The following IQCN variants were observed in gnomAD, a reference collection of about 807,000 sequenced individuals.
IQCN encodes the protein IQ motif containing N.
A neutral mutation model predicts 64.4 loss-of-function variants in IQCN; 46 were observed. The observed-to-expected ratio is 0.71, with a 90% confidence interval of 0.56 to 0.91. The LOEUF is 0.91. IQCN is among the 40% of genes least tolerant of loss of function. The pLI is 0.00. For missense variants in IQCN, 1,753 were observed against 1,857.4 expected, an observed-to-expected ratio of 0.94 and a Z score of 1.03; for synonymous variants, 733 against 775.6, an observed-to-expected ratio of 0.95 and a Z score of 0.91.
chr19:18,263,426 G>A (rs1480366060), intron 3 of IQCN, among the ~76,000 whole-genome samples: 1 of 152,232 alleles, frequency 6.6e-6, no homozygotes, highest in South Asian at 2.1e-4. Flanking sequence ...TCTGGGGGCA[G>A]AGCAGGGCAG....
intron 2 of IQCN, among the ~76,000 whole-genome samples, chr19:18,269,156 C>CAAAGGAGGGAGG (rs1969678137): frequency 6.7e-6 from 1 of 148,938 alleles, no homozygotes; most frequent in Admixed American, 6.7e-5. Flanking sequence ...AGGAAGGAAG[C>CAAAGGAGGGAGG]AAGGGAGGGA....
rs902404493 is a variant in IQCN at position 18,257,176 on chromosome 19, G to T, written c.*4C>A. ...CGAAGTCCCCACTGCAGGGAGCCAG[G>T]GTCCTAGATGCCAGGCCAATGCATG... is the stretch of plus-strand genomic sequence containing the variant. On this transcript the variant is annotated 3_prime_UTR_variant, in exon 4 of 4. Coordinates refer to ENST00000392413, the MANE Select transcript of IQCN (RefSeq NM_001145304.2). The T allele has an allele frequency of 6.2e-7, 1 of 1,612,074 alleles. No homozygotes were observed. The highest frequency in any genetic ancestry group is 1.3e-5 in the African/African-American group (1 of 75,054).
chr19:18,269,067 T>G (rs938393197), intron 2 of IQCN, among the ~76,000 whole-genome samples: 1 of 148,372 alleles, frequency 6.7e-6, no homozygotes, highest in Admixed American at 6.7e-5. Context: ...GAGGAGGAGG[T>G]TGCAGTGAGC....
Position 18,257,630 on chromosome 19 carries a change from A to G in IQCN, c.3654T>C (p.His1218=). 2 of 1,612,648 alleles carry G rather than the reference A, an allele frequency of 1.2e-6. No individual in the cohort carries two copies. Among genetic ancestry groups the G allele is most frequent in the Non-Finnish European group, 8.5e-7 (1 of 1,179,886 alleles). ...GTGCCTGGCAGGACTGGAAGCAGCGATGGTCAGATACTGTCCTGGCTCTGC... is the reference window on the plus strand; with the variant it reads ...GTGCCTGGCAGGACTGGAAGCAGCGGTGGTCAGATACTGTCCTGGCTCTGC... The part of the protein sequence containing the change: ...QDGRARTVSD[H]RCFQSCQAHA... Residue 1218 remains histidine (H), a synonymous_variant, in exon 4 of 4, where the codon CAT becomes CAC. Transcript: ENST00000392413.
At chr19:18,268,188 G>A (rs1370279111) in intron 2 of IQCN, among the ~76,000 whole-genome samples, 1 of 149,894 alleles carries the variant, frequency 6.7e-6, no homozygotes, top group African/African-American at 2.5e-5. Context: ...GTGTGTGTGT[G>A]TGTGTGTGTG....
intron 1 of IQCN, among the ~76,000 whole-genome samples, chr19:18,270,147 G>T (rs1183036349): frequency 1.3e-5 from 2 of 151,572 alleles, no homozygotes; most frequent in African/African-American, 4.9e-5. Flanking sequence ...ATCACCTGAG[G>T]TCAGGAGTTC....
chr19:18,271,989 T>C (rs1032349000), intron 1 of IQCN, among the ~76,000 whole-genome samples: 2 of 151,636 alleles, frequency 1.3e-5, no homozygotes, highest in Admixed American at 6.6e-5. Flanking sequence ...TTTTGTTTGT[T>C]TTGTTTTGTT....
intron 2 of IQCN, among the ~76,000 whole-genome samples, chr19:18,269,265 G>C (rs912904441): frequency 4.6e-5 from 7 of 152,072 alleles, no homozygotes; most frequent in Non-Finnish European, 8.8e-5. Context: ...GGGATGGGTA[G>C]GTAAATGGCA....
chr19:18,270,875 T>C (rs545088803), intron 1 of IQCN, among the ~76,000 whole-genome samples: 16 of 145,262 alleles, frequency 1.1e-4, no homozygotes, highest in Admixed American at 6.2e-4. Context: ...AAGTATAAGA[T>C]AAAAGGTAAC....
rs1391202413 is a variant in IQCN, at chr19:18,264,681, G to C, written c.2859C>G (p.Ala953=). ...WSELRLTLSR[A]LSRGELRAEL... The stretch of plus-strand genomic sequence containing the variant: ...CCGCCCGCAGCTCGCCCCGGGACAG[G>C]GCTCGGGACAGGGTCAGGCGCAGCT... The change falls in exon 3 of 4, where the codon GCC becomes GCG. Residue 953 remains alanine, a synonymous_variant. Coordinates refer to ENST00000392413, the MANE Select transcript of IQCN (RefSeq NM_001145304.2). The surrounding 1 kb of genome is among the most constrained non-coding windows in gnomAD (Gnocchi z 4.3). 1.9e-6 allele frequency: 3 copies of C among 1,551,162 alleles called. No homozygotes were observed. The African/African-American group carries it at 4.1e-5, about 21-fold the overall frequency.
At position 18,266,074 on chromosome 19, in the gene IQCN, G is replaced by A; in HGVS notation, c.1466C>T (p.Thr489Ile). 3 of 1,614,102 alleles carry A rather than the reference G, an allele frequency of 1.9e-6. No individual in the cohort carries two copies. Among genetic ancestry groups the A allele is most frequent in the Non-Finnish European group, 2.5e-6 (3 of 1,180,004 alleles). The change falls in exon 3 of 4, where the codon ACC becomes ATC. Residue 489 changes from threonine to isoleucine, a missense_variant. Thr to Ile is a moderately conservative substitution (Grantham distance 89). Coordinates refer to ENST00000392413, the MANE Select transcript of IQCN (RefSeq NM_001145304.2). The surrounding 1 kb of genome is among the most constrained non-coding windows in gnomAD (Gnocchi z 4.3). ...CAGGCGGGTCTGGGGTGAGGGCTTG[G>A]TCACCCCAACTGGGCTCCTCTGGGA... ...TSSQRSPVGVTKPSPQTRLPA... is the reference protein window; with the variant it reads ...TSSQRSPVGVIKPSPQTRLPA...
Position 18,272,650 on chromosome 19 carries a change from T to G in IQCN, c.-110+1753A>C, listed in dbSNP as rs1272194328. ...TTTTGAGACGGAGTCTCGTTCTGTC[T>G]CCCAGGCTGGAGTGCACTGGCACCA... is the stretch of plus-strand genomic sequence containing the variant. On this transcript the variant is annotated intron_variant, in intron 1 of 3. Transcript: ENST00000392413. Among the ~76,000 whole-genome samples the G allele has an allele frequency of 4.0e-5, 6 of 149,362 alleles. No individual in the cohort carries two copies. The East Asian group carries it at 6.0e-4, about 15-fold the overall frequency.
At position 18,267,291 on chromosome 19, in the gene IQCN, C is replaced by T; in HGVS notation, c.249G>A (p.Arg83=). 1.2e-6 allele frequency: 2 copies of T among 1,614,268 alleles called. 1 individual carries two copies. Among genetic ancestry groups the T allele is most frequent in the South Asian group, 2.2e-5 (2 of 91,092 alleles). ...TGAAGGCCTGGCTCTCGACCACAGCCCGGAGGCGTGGGACGCGGCGGGACG... is the reference window on the plus strand; with the variant it reads ...TGAAGGCCTGGCTCTCGACCACAGCTCGGAGGCGTGGGACGCGGCGGGACG... ...KTASRRVPRL[R]AVVESQAFKN... is the part of the protein sequence containing the mutation. Residue 83 remains arginine, a synonymous_variant, in exon 3 of 4, where the codon CGG becomes CGA. Transcript: ENST00000392413.
intron 3 of IQCN, chr19:18,258,808 C>A: frequency 4.9e-6 from 1 of 205,012 alleles, no homozygotes. Context: ...TGTTGATAAA[C>A]TGAGGGGGAC....
At position 18,260,638 on chromosome 19, in the gene IQCN, C is replaced by T. The variant is rs577020045; in HGVS notation, c.3178-2532G>A. On this transcript the variant is annotated intron_variant, in intron 3 of 3. Transcript: ENST00000392413. The stretch of plus-strand genomic sequence containing the variant: ...AGGGTACAGGATGAATTTGTCTTGC[C>T]TGGACTGGAGGCCACAGATGGTTGG... The T allele has an allele frequency of 2.6e-5, 4 of 153,056 alleles. No homozygotes were observed. The East Asian group carries it at 7.7e-4, about 29-fold the overall frequency. The allele number at this position is 153,056 out of a possible 1,614,324, so 9.5% of individuals were successfully genotyped here. A position where few individuals can be genotyped will look rare whatever the true frequency, so the allele number is the denominator to read the frequency against.
rs370689292 is a variant in IQCN at position 18,257,206 on chromosome 19, G to A, written c.4078C>T (p.Arg1360Trp). ...TAGATGCCAGGCCAATGCATGTGCC[G>A]TGAGCTGGCCGAGGGGTCTGCTGGT... is the stretch of plus-strand genomic sequence containing the variant. The part of the protein sequence containing the change: ...LGPADPSASS[R>W]HMHWPGI The change falls in exon 4 of 4, where the codon CGG (arginine) becomes TGG (tryptophan). Residue 1360 changes from arginine (R) to tryptophan (W), a missense_variant. Physicochemically the swap from Arg to Trp is moderately radical, Grantham distance 101. Transcript: ENST00000392413. The A allele has an allele frequency of 2.4e-5, 39 of 1,613,332 alleles. No homozygotes were observed. The highest frequency in any genetic ancestry group is 1.8e-4 in the East Asian group (8 of 44,902).
At chr19:18,260,701 G>A (rs73523119) in intron 3 of IQCN, 40,568 of 152,716 alleles carry the variant, frequency 0.27, 5,479 homozygotes, top group Admixed American at 0.34. Flanking sequence ...TGAGATGGGT[G>A]GGCTAGGCTG....
At position 18,265,776 on chromosome 19, in the gene IQCN, C is replaced by T. The variant is rs370623074; in HGVS notation, c.1764G>A (p.Pro588=). 174 of 1,614,012 alleles carry T rather than the reference C, an allele frequency of 1.1e-4. No individual in the cohort carries two copies. Among genetic ancestry groups the T allele is most frequent in the Non-Finnish European group, 1.4e-4 (160 of 1,180,024 alleles). The change falls in exon 3 of 4, where the codon CCG becomes CCA. Residue 588 remains proline (P), a synonymous_variant. Transcript: ENST00000392413. The surrounding 1 kb of genome is among the most constrained non-coding windows in gnomAD (Gnocchi z 4.7). ...CTGCAGCCCTGGGGACCCCAGTTCCCGGATGTGGTTGAGCCAGGCACCTGA... is the reference window on the plus strand; with the variant it reads ...CTGCAGCCCTGGGGACCCCAGTTCCTGGATGTGGTTGAGCCAGGCACCTGA... ...GKIRCLAQPH[P]GTGVPRAAAE... is the part of the protein sequence containing the mutation.
chr19:18,265,237 T>C lies in IQCN; in HGVS notation c.2303A>G (p.Asn768Ser). Residue 768 changes from asparagine (N) to serine (S), a missense_variant, in exon 3 of 4, where the codon AAC becomes AGC. Asn to Ser is a conservative substitution (Grantham distance 46). Transcript: ENST00000392413. The surrounding 1 kb of genome is among the most constrained non-coding windows in gnomAD (Gnocchi z 4.7). ...TGTTAGGAGCACCTGGGAGTGGGTG[T>C]TGCTGCTGAGATCAGCAGCCTGGTG... ...PAHQAADLSS[N>S]THSQVLLTGS... The C allele has an allele frequency of 1.9e-6, 3 of 1,613,282 alleles. No homozygotes were observed. The highest frequency in any genetic ancestry group is 3.3e-5 in the Admixed American group (2 of 60,028).
Sources: gnomAD v4.1 joint callset for allele counts (sites outside exome capture counted in the v4.1 genomes callset) on GRCh38, gnomAD v4.1.1 for gene constraint, Gnocchi (gnomAD v3.1) non-coding constraint, MANE v1.5 for transcripts, NCBI Gene and HGNC (gene_info 2026-07-23, HGNC 2026-07-21) for gene names.